NBEAL1: variants seen among roughly 807,000 people sequenced by gnomAD.
The protein encoded by NBEAL1 is neurobeachin like 1.
NBEAL1 carries 273 observed loss-of-function variants against 351.3 expected under a neutral mutation model. The ratio of observed to expected loss-of-function variants is 0.78; its 90% CI spans 0.70 to 0.86. The LOEUF (loss-of-function observed/expected upper bound fraction) is 0.86, where lower values mean the gene tolerates loss of function less well. Among genes scored for constraint, NBEAL1 ranks in the 40% least tolerant of loss-of-function variants. The pLI is 0.00. For synonymous variants in NBEAL1, 1,050 were observed against 1,086.4 expected, an observed-to-expected ratio of 0.97 and a Z score of 0.66; for missense variants, 2,961 against 3,201.3, an observed-to-expected ratio of 0.92 and a Z score of 1.81.
At position 203,035,176 on chromosome 2, in the gene NBEAL1, G is replaced by A. The variant is rs189070416; in HGVS notation, c.52-6589G>A. Among the ~76,000 whole-genome samples, 48 of 149,302 alleles carry A rather than the reference G, an allele frequency of 3.2e-4. 5 individuals carry two copies. Among genetic ancestry groups the A allele is most frequent in the Admixed American group, 1.0e-3 (15 of 14,854 alleles). On this transcript the variant is annotated intron_variant, in intron 2 of 55. Coordinates refer to ENST00000683969, the MANE Select transcript of NBEAL1 (RefSeq NM_001378026.1). ...TAGTGGGTGTTATGAGAAGCTAAAC[G>A]TCTGCTGTGCTTTAACATAATTTAA...
At chr2:203,144,018 T>C (rs1336549992) in intron 31 of NBEAL1, among the ~76,000 whole-genome samples, 2 of 151,928 alleles carry the variant, frequency 1.3e-5, no homozygotes, top group African/African-American at 4.8e-5. Context: ...AAGACCAGCC[T>C]GGCCAACATA....
chr2:203,084,815 T>G, intron 10 of NBEAL1: 1 of 297,092 alleles, frequency 3.4e-6, no homozygotes, highest in African/African-American at 2.2e-5. Flanking sequence ...ACATATATTA[T>G]TTTCATTCTA....
In NBEAL1 at chr2:203,151,492, A is replaced by G. The variant is rs979372601; in HGVS notation, c.5490A>G (p.Leu1830=). The G allele has an allele frequency of 6.9e-6, 11 of 1,604,398 alleles. No individual in the cohort carries two copies. Among genetic ancestry groups the G allele is most frequent in the African/African-American group, 2.7e-5 (2 of 74,598 alleles). The change falls in exon 35 of 56, where the codon CTA becomes CTG. Residue 1830 remains leucine (L), a synonymous_variant. Transcript: ENST00000683969. ...KRKQNPIHWK[L]ANVENYSRMR... ...AACAGAATCCAATTCACTGGAAGCT[A>G]GCTAATGTAGAGAATTATTCCCGCA...
At chr2:203,152,430 A>G (rs1321402293) in intron 35 of NBEAL1, among the ~76,000 whole-genome samples, 3 of 151,604 alleles carry the variant, frequency 2.0e-5, no homozygotes, top group Non-Finnish European at 4.4e-5. Context: ...CTCTACTAAA[A>G]ATATAAAAAA....
At chr2:203,110,398 C>T in intron 15 of NBEAL1, 116 bp downstream of exon 15, 1 of 1,087,502 alleles carries the variant, frequency 9.2e-7, no homozygotes, top group Non-Finnish European at 1.3e-6. Context: ...AGGCTGGGCG[C>T]AGTGGCACAC....
At chr2:203,216,170 AT>A (rs2065893132) in intron 55 of NBEAL1, among the ~76,000 whole-genome samples, 1 of 152,192 alleles carries the variant, frequency 6.6e-6, no homozygotes, top group Non-Finnish European at 1.5e-5. Flanking sequence ...TTTGGTTAAT[AT>A]TTATTATACA....
intron 7 of NBEAL1, among the ~76,000 whole-genome samples, chr2:203,071,520 C>A (rs901081632): frequency 1.3e-5 from 2 of 152,146 alleles, no homozygotes; most frequent in Non-Finnish European, 2.9e-5. Context: ...TCACTCTATA[C>A]CACTCTGTCC....
chr2:203,165,902 G>T (rs989206210), intron 36 of NBEAL1, among the ~76,000 whole-genome samples: 2 of 152,092 alleles, frequency 1.3e-5, no homozygotes, highest in African/African-American at 2.4e-5. Context: ...AATTAGCTGG[G>T]CATGGTGGCA....
chr2:203,094,548 C>A (rs1319725381), intron 10 of NBEAL1, among the ~76,000 whole-genome samples: 2 of 152,150 alleles, frequency 1.3e-5, no homozygotes, highest in African/African-American at 4.8e-5. Flanking sequence ...CAACCTTAAG[C>A]TGGCGGCTGC....
chr2:203,208,856 A>G (rs917687258), intron 52 of NBEAL1, 103 bp downstream of exon 52: 20 of 799,580 alleles, frequency 2.5e-5, no homozygotes, highest in Non-Finnish European at 3.7e-5. Flanking sequence ...GAGTATAGAA[A>G]TGTTATACCA....
intron 2 of NBEAL1, among the ~76,000 whole-genome samples, chr2:203,026,713 C>A (rs905545656): frequency 6.6e-6 from 1 of 152,140 alleles, no homozygotes; most frequent in Non-Finnish European, 1.5e-5. Context: ...CAGTGTTTCA[C>A]CATGTTGGCC....
intron 12 of NBEAL1, among the ~76,000 whole-genome samples, chr2:203,105,076 C>G (rs1176440457): frequency 2.0e-5 from 3 of 151,796 alleles, no homozygotes; most frequent in Non-Finnish European, 4.4e-5. Flanking sequence ...CTAGGCTGGT[C>G]TGGAACTCCT....
intron 18 of NBEAL1, among the ~76,000 whole-genome samples, chr2:203,120,766 T>C (rs1314423286): frequency 6.6e-6 from 1 of 152,202 alleles, no homozygotes; most frequent in African/African-American, 2.4e-5. Context: ...GAATGGATTC[T>C]AGAGAGTGTC....
At chr2:203,110,595 G>C (rs1362227800) in intron 15 of NBEAL1, among the ~76,000 whole-genome samples, 2 of 150,836 alleles carry the variant, frequency 1.3e-5, no homozygotes, top group Non-Finnish European at 3.0e-5. Context: ...AATTGCTTGA[G>C]CCCAGGAAGT....
rs530091604 is a variant in NBEAL1 at position 203,187,335 on chromosome 2, G to A, written c.6706-1137G>A. On this transcript the variant is annotated intron_variant, in intron 44 of 55. Coordinates refer to ENST00000683969, the MANE Select transcript of NBEAL1 (RefSeq NM_001378026.1). ...GGCCTCCCAAAGTGCTGGGGTAACA[G>A]ACATGAGCCACCATGCCTGGCTCTT... 4.1e-5 allele frequency among the ~76,000 whole-genome samples: 6 copies of A among 147,528 alleles called. No homozygotes were observed. In the South Asian group the frequency reaches 1.1e-3, roughly 27 times the overall value.
intron 46 of NBEAL1, among the ~76,000 whole-genome samples, chr2:203,192,775 T>A (rs1243593802): frequency 6.6e-6 from 1 of 152,154 alleles, no homozygotes; most frequent in African/African-American, 2.4e-5. Context: ...TTACTTTAGA[T>A]AGAATTCTGT....
chr2:203,049,891 G>T lies in NBEAL1; in HGVS notation c.221G>T (p.Cys74Phe). Residue 74 changes from cysteine (C) to phenylalanine (F), a missense_variant, in exon 4 of 56, where the codon TGT becomes TTT. Transcript: ENST00000683969. Reference sequence around the variant, plus strand: ...GTTCTGAGGATCCAGCTTCTACAGTGTGTTCAGAAAATGGCAGATGGGTTA... The same window carrying T: ...GTTCTGAGGATCCAGCTTCTACAGTTTGTTCAGAAAATGGCAGATGGGTTA... ...LQVLRIQLLQ[C>F]VQKMADGLEE... The T allele has an allele frequency of 1.9e-6, 3 of 1,557,012 alleles. No homozygotes were observed. The highest frequency in any genetic ancestry group is 2.6e-6 in the Non-Finnish European group (3 of 1,148,498).
intron 28 of NBEAL1, 49 bp from the exon 29 acceptor site, chr2:203,136,549 TG>T (rs2063214037): frequency 7.4e-7 from 1 of 1,347,556 alleles, no homozygotes; most frequent in East Asian, 2.3e-5. Flanking sequence ...TGATGTGCTT[TG>T]AACAACTACA....
chr2:203,020,947 G>A (rs888582194), intron 2 of NBEAL1, among the ~76,000 whole-genome samples: 1 of 152,118 alleles, frequency 6.6e-6, no homozygotes, highest in African/African-American at 2.4e-5. Flanking sequence ...TGGAGACGGA[G>A]TCTCACTCTG....
Sources: gnomAD v4.1 joint callset for allele counts (sites outside exome capture counted in the v4.1 genomes callset) on GRCh38, gnomAD v4.1.1 for gene constraint, MANE v1.5 for transcripts, NCBI Gene and HGNC (gene_info 2026-07-23, HGNC 2026-07-21) for gene names.